NFIA: variants seen among roughly 807,000 people sequenced by gnomAD.
The protein encoded by NFIA is nuclear factor 1 A-type.
Under a neutral mutation model 62.8 loss-of-function variants are expected in NFIA, and 8 were observed. The observed-to-expected ratio is 0.13, with a 90% CI of 0.07 to 0.23. The LOEUF is 0.23. NFIA is among the 10% of genes least tolerant of loss of function. The pLI is 1.00. For synonymous variants in NFIA, 235 were observed against 238.1 expected (o/e 0.99, Z 0.12); for missense variants, 410 against 642.1 (o/e 0.64, Z 3.91).
chr1:61,420,228 T>C (rs909763418), intron 9 of NFIA, among the ~76,000 whole-genome samples: 1 of 152,252 alleles, frequency 6.6e-6, no homozygotes, highest in Non-Finnish European at 1.5e-5. Context: ...TCCAATACTT[T>C]CTAGCATTTC....
chr1:61,300,169 CAAT>C (rs1457226096), intron 3 of NFIA, among the ~76,000 whole-genome samples: 2 of 152,080 alleles, frequency 1.3e-5, no homozygotes, highest in Non-Finnish European at 2.9e-5. Context: ...CAGTAAGATA[CAAT>C]TCATCTCTGG....
At chr1:61,375,818 AT>A (rs1664123850) in intron 6 of NFIA, among the ~76,000 whole-genome samples, 1 of 151,844 alleles carries the variant, frequency 6.6e-6, no homozygotes, top group Non-Finnish European at 1.5e-5. Context: ...CCACTACCCT[AT>A]TTTTCTGCTC....
intron 3 of NFIA, among the ~76,000 whole-genome samples, chr1:61,279,259 T>C (rs1657992182): frequency 6.6e-6 from 1 of 152,208 alleles, no homozygotes; most frequent in South Asian, 2.1e-4. Flanking sequence ...TTTCAGAATA[T>C]GTTTCATTTC....
intron 3 of NFIA, among the ~76,000 whole-genome samples, chr1:61,294,446 G>A (rs1013267166): frequency 3.9e-5 from 6 of 151,966 alleles, no homozygotes; most frequent in African/African-American, 1.5e-4. Context: ...TACACTTGCT[G>A]TTTCACCAAA....
At chr1:61,373,833 T>C (rs1462083855) in intron 6 of NFIA, among the ~76,000 whole-genome samples, 1 of 151,744 alleles carries the variant, frequency 6.6e-6, no homozygotes, top group African/African-American at 2.4e-5. Context: ...TGCTGAACAA[T>C]ACAAAATAAG....
intron 3 of NFIA, among the ~76,000 whole-genome samples, chr1:61,331,913 GAC>G (rs1270763596): frequency 1.3e-5 from 2 of 151,986 alleles, no homozygotes; most frequent in East Asian, 1.9e-4. Context: ...AAAATCAACA[GAC>G]ACAAAAAAAA....
intron 4 of NFIA, among the ~76,000 whole-genome samples, chr1:61,345,305 G>A (rs1172325312): frequency 6.6e-6 from 1 of 152,128 alleles, no homozygotes; most frequent in African/African-American, 2.4e-5. Flanking sequence ...TTTAGAGGGG[G>A]CAAATAGGGA....
intron 7 of NFIA, among the ~76,000 whole-genome samples, chr1:61,387,464 CTTTCTT>C (rs1415667882): frequency 1.8e-5 from 2 of 110,922 alleles, no homozygotes; most frequent in African/African-American, 7.5e-5. Context: ...AGCTCAAGCA[CTTTCTT>C]TTTTTTTTTT....
At chr1:61,166,076 A>T (rs965530970) in intron 2 of NFIA, among the ~76,000 whole-genome samples, 1 of 152,162 alleles carries the variant, frequency 6.6e-6, no homozygotes, top group Admixed American at 6.5e-5. Flanking sequence ...AAAAATAAAA[A>T]TTTTGTCCAG....
At chr1:61,240,808 G>A (rs192076718) in intron 2 of NFIA, among the ~76,000 whole-genome samples, 31 of 152,104 alleles carry the variant, frequency 2.0e-4, no homozygotes, top group Middle Eastern at 3.4e-3. Flanking sequence ...TGTAGACATC[G>A]AGAAATATTT....
In NFIA at chr1:61,191,850, T is replaced by A. The variant is rs1651649429; in HGVS notation, c.560-85670T>A. On this transcript the variant is annotated intron_variant, in intron 2 of 10. Coordinates refer to ENST00000403491, the MANE Select transcript of NFIA (RefSeq NM_001134673.4). Reference sequence around the variant, plus strand: ...TGCTAAGTAACTCTTAACAGTCTTCTGAGTACGTGAGTTTGGGATTTGGCC... The same window carrying A: ...TGCTAAGTAACTCTTAACAGTCTTCAGAGTACGTGAGTTTGGGATTTGGCC... Among the ~76,000 whole-genome samples the A allele has an allele frequency of 2.6e-5, 4 of 152,352 alleles. No individual in the cohort carries two copies. In the Middle Eastern group the frequency reaches 0.014, roughly 518 times the overall value.
intron 2 of NFIA, among the ~76,000 whole-genome samples, chr1:61,240,863 G>T (rs77478817): frequency 2.0e-5 from 3 of 151,884 alleles, no homozygotes; most frequent in African/African-American, 7.3e-5. Flanking sequence ...ATGTTGAAAC[G>T]TAAGGGAAAA....
At chr1:61,424,394 T>G (rs1197909455) in intron 9 of NFIA, among the ~76,000 whole-genome samples, 1 of 151,588 alleles carries the variant, frequency 6.6e-6, no homozygotes, top group Non-Finnish European at 1.5e-5. Flanking sequence ...TTAGCATGCT[T>G]GTTTTGGATG....
Position 61,201,065 on chromosome 1 carries a change from A to G in NFIA, c.560-76455A>G, listed in dbSNP as rs1311100224. Among the ~76,000 whole-genome samples the G allele has an allele frequency of 3.9e-5, 6 of 152,346 alleles. No homozygotes were observed. In the South Asian group the frequency reaches 1.2e-3, roughly 32 times the overall value. ...CCCTCTACGTTTTATTTTAAAATAG[A>G]AAATTCTGATGGGAATCTGCAATAT... On this transcript the variant is annotated intron_variant, in intron 2 of 10. Coordinates refer to ENST00000403491, the MANE Select transcript of NFIA (RefSeq NM_001134673.4).
At chr1:61,450,451 G>A (rs748296842) in intron 10 of NFIA, among the ~76,000 whole-genome samples, 5 of 152,198 alleles carry the variant, frequency 3.3e-5, no homozygotes, top group African/African-American at 7.2e-5. Context: ...GTAGTGTGAA[G>A]TAGTAGTGCA....
intron 2 of NFIA, among the ~76,000 whole-genome samples, chr1:61,219,954 T>TC (rs1349072801): frequency 6.6e-6 from 1 of 150,784 alleles, no homozygotes; most frequent in African/African-American, 2.4e-5. Flanking sequence ...AGAACGAGAC[T>TC]CCGTCTCAAA....
chr1:61,155,190 T>G (rs1648702489), intron 2 of NFIA, among the ~76,000 whole-genome samples: 1 of 152,206 alleles, frequency 6.6e-6, no homozygotes, highest in Non-Finnish European at 1.5e-5. Context: ...ATCAAGAATA[T>G]AATTGAAATA....
intron 3 of NFIA, among the ~76,000 whole-genome samples, chr1:61,297,787 G>A (rs954247232): frequency 4.6e-5 from 7 of 152,206 alleles, no homozygotes; most frequent in African/African-American, 1.7e-4. Flanking sequence ...CTCTGAGAAT[G>A]TGGAAAAGAG....
chr1:61,179,366 G>C (rs980351616), intron 2 of NFIA, among the ~76,000 whole-genome samples: 4 of 152,350 alleles, frequency 2.6e-5, no homozygotes, highest in African/African-American at 9.6e-5. Flanking sequence ...CAGGCAGTCT[G>C]GGGTATTGTT....
Sources: gnomAD v4.1 joint callset for allele counts (sites outside exome capture counted in the v4.1 genomes callset) on GRCh38, gnomAD v4.1.1 for gene constraint, MANE v1.5 for transcripts, NCBI Gene and HGNC (gene_info 2026-07-23, HGNC 2026-07-21) for gene names.